Variants in ZC3HC1 observed in about 807,000 individuals in gnomAD.
The protein encoded by ZC3HC1 is zinc finger C3HC-type protein 1.
Under a neutral mutation model 61.9 loss-of-function variants are expected in ZC3HC1, and 38 were observed. That is an observed-to-expected ratio of 0.61 (90% CI 0.47 to 0.81). The LOEUF is 0.81. Ranked by LOEUF, ZC3HC1 falls within the 30% of genes least tolerant of loss-of-function variation. ZC3HC1 has a pLI of 0.00. For synonymous variants in ZC3HC1, 213 were observed against 229.9 expected, an observed-to-expected ratio of 0.93 and a Z score of 0.67; for missense variants, 554 against 622.7, an observed-to-expected ratio of 0.89 and a Z score of 1.17.
intron 4 of ZC3HC1, among the ~76,000 whole-genome samples, chr7:130,030,262 C>T (rs1347149380): frequency 1.1e-4 from 17 of 147,838 alleles, no homozygotes; most frequent in Non-Finnish European, 2.5e-4. Context: ...TGCAATGGTG[C>T]GATCACGGCT....
intron 8 of ZC3HC1, 67 bp from the exon 9 acceptor site, chr7:130,022,592 G>C (rs1293518653): frequency 4.6e-6 from 7 of 1,538,330 alleles, no homozygotes; most frequent in Non-Finnish European, 6.2e-6. Context: ...AGGCACTGCT[G>C]TTAGTTATCA....
intron 2 of ZC3HC1, chr7:130,043,735 A>G (rs1794765630): frequency 5.0e-6 from 2 of 396,048 alleles, no homozygotes; most frequent in Admixed American, 3.3e-5. Context: ...TGTCAGAACC[A>G]AAGTGGTATG....
Position 130,023,255 on chromosome 7 carries a change from T to C in ZC3HC1, c.1233+256A>G, listed in dbSNP as rs555445547. ...GTTGGGGACCGCTGCCAGATCAGGT[T>C]TGTCCCTGTATCACACCGTTGTTCC... On this transcript the variant is annotated intron_variant, in intron 8 of 9. Coordinates refer to ENST00000358303, the MANE Select transcript of ZC3HC1 (RefSeq NM_016478.5). The surrounding 1 kb of genome is among the most constrained non-coding windows in gnomAD (Gnocchi z 4.2). Among the ~76,000 whole-genome samples, 1 of 152,258 alleles carries C rather than the reference T, an allele frequency of 6.6e-6. No individual in the cohort carries two copies. Among genetic ancestry groups the C allele is most frequent in the Non-Finnish European group, 1.5e-5 (1 of 68,010 alleles).
At chr7:130,038,019 C>G (rs1332541512) in intron 4 of ZC3HC1, among the ~76,000 whole-genome samples, 1 of 152,184 alleles carries the variant, frequency 6.6e-6, no homozygotes, top group Non-Finnish European at 1.5e-5. Context: ...TGGTCTCAAA[C>G]TCCTAAACTC....
In ZC3HC1 at chr7:130,026,210, T is replaced by C. The variant is rs1793900531; in HGVS notation, c.724A>G (p.Ile242Val). ...RKTTIKLGSDIQVHVTACILS... is the reference protein window; with the variant it reads ...RKTTIKLGSDVQVHVTACILS... Reference sequence around the variant, plus strand: ...ATACAGGCAGTGACGTGGACTTGGATGTCTGAGCCTAATTTGATTGTAGTT... The same window carrying C: ...ATACAGGCAGTGACGTGGACTTGGACGTCTGAGCCTAATTTGATTGTAGTT... Residue 242 changes from isoleucine to valine, a missense_variant, in exon 6 of 10, where the codon ATC (isoleucine) becomes GTC (valine). Ile to Val is a conservative substitution (Grantham distance 29, BLOSUM62 3). Coordinates refer to ENST00000358303, the MANE Select transcript of ZC3HC1 (RefSeq NM_016478.5). 2 of 1,614,060 alleles carry C rather than the reference T, an allele frequency of 1.2e-6. No individual in the cohort carries two copies. Among genetic ancestry groups the C allele is most frequent in the Non-Finnish European group, 1.7e-6 (2 of 1,180,020 alleles).
intron 6 of ZC3HC1, among the ~76,000 whole-genome samples, chr7:130,024,817 G>A (rs1469878751): frequency 2.0e-5 from 3 of 151,062 alleles, no homozygotes; most frequent in Non-Finnish European, 4.4e-5. Context: ...GCCAAGGTGG[G>A]TGGATCACCT....
At chr7:130,042,996 T>C (rs1794737629) in intron 2 of ZC3HC1, among the ~76,000 whole-genome samples, 2 of 152,130 alleles carry the variant, frequency 1.3e-5, no homozygotes, top group Non-Finnish European at 2.9e-5. Context: ...CAGTTTTTAA[T>C]AATCTATGTG....
At chr7:130,024,580 T>C in intron 6 of ZC3HC1, 74 bp from the exon 7 acceptor site, 3 of 1,504,566 alleles carry the variant, frequency 2.0e-6, no homozygotes, top group Non-Finnish European at 1.8e-6. Context: ...GTCTTGTGAG[T>C]ATGCCTTATC....
rs556026409 is a variant in ZC3HC1 at position 130,023,072 on chromosome 7, T to G, written c.1233+439A>C. 7.8e-4 allele frequency: 131 copies of G among 168,272 alleles called. No homozygotes were observed. The highest frequency in any genetic ancestry group is 2.9e-3 in the African/African-American group (122 of 41,584). 10.4% of individuals were successfully genotyped at this position (168,272 alleles called of 1,614,324 possible). A position where few individuals can be genotyped will look rare whatever the true frequency, so the allele number is the denominator to read the frequency against. Reference sequence around the variant, plus strand: ...GGTTCCCACTGACTCTATATTATGGTGAGTTGTACAATTATTTCATTATAT... The same window carrying G: ...GGTTCCCACTGACTCTATATTATGGGGAGTTGTACAATTATTTCATTATAT... On this transcript the variant is annotated intron_variant, in intron 8 of 9. Coordinates refer to ENST00000358303, the MANE Select transcript of ZC3HC1 (RefSeq NM_016478.5). This position sits in a 1 kb window ranked among gnomAD's most constrained non-coding sequence, Gnocchi z 4.2.
In ZC3HC1 at chr7:130,026,157, C is replaced by G. The variant is rs865852605; in HGVS notation, c.776+1G>C. The G allele has an allele frequency of 1.2e-6, 2 of 1,612,376 alleles. No individual in the cohort carries two copies. Among genetic ancestry groups the G allele is most frequent in the Non-Finnish European group, 1.7e-6 (2 of 1,178,732 alleles). On this transcript the variant is annotated splice_donor_variant, in intron 6 of 9. Coordinates refer to ENST00000358303, the MANE Select transcript of ZC3HC1 (RefSeq NM_016478.5). LOFTEE classifies it high-confidence loss of function. ...TCTCCAGGCAAAATCTGCTGACTCA[C>G]CTACACGCCCAGCCACACACAGAGA...
intron 1 of ZC3HC1, 92 bp downstream of exon 1, chr7:130,051,129 C>G: frequency 2.7e-6 from 4 of 1,485,026 alleles, no homozygotes; most frequent in Non-Finnish European, 3.6e-6. Context: ...CCCGAGTCGC[C>G]GACCGAGGGG....
intron 1 of ZC3HC1, among the ~76,000 whole-genome samples, chr7:130,049,453 T>C (rs1185145558): frequency 6.6e-6 from 1 of 152,196 alleles, no homozygotes; most frequent in Non-Finnish European, 1.5e-5. Context: ...TCACTCACTG[T>C]TCTCCACAAG....
At chr7:130,050,299 G>C (rs970762866) in intron 1 of ZC3HC1, 1 of 835,196 alleles carries the variant, frequency 1.2e-6, no homozygotes, top group Non-Finnish European at 1.8e-6. Flanking sequence ...GGATGGTCTT[G>C]ATCTCCTGAC....
chr7:130,031,281 C>T (rs1170583753), intron 4 of ZC3HC1, among the ~76,000 whole-genome samples: 1 of 147,408 alleles, frequency 6.8e-6, no homozygotes, highest in Non-Finnish European at 1.5e-5. Flanking sequence ...GCTGAGATTG[C>T]GCCATTGCAC....
At position 130,045,383 on chromosome 7, in the gene ZC3HC1, C is replaced by A. The variant is rs952421340; in HGVS notation, c.258+3650G>T. 9 of 430,874 alleles carry A rather than the reference C, an allele frequency of 2.1e-5. 1 individual carries two copies. The highest frequency in any genetic ancestry group is 6.7e-4 in the Middle Eastern group (2 of 2,990). The allele number at this position is 430,874 out of a possible 1,614,324, so 26.7% of individuals were successfully genotyped here. ...GAAAAGCAGAAGACGTGGTGTGGTA[C>A]CACATTTCTTCCGCCTTCAGTCTCT... is the stretch of plus-strand genomic sequence containing the variant. On this transcript the variant is annotated intron_variant, in intron 2 of 9. Transcript: ENST00000358303.
In ZC3HC1 at chr7:130,044,428, A is replaced by G. The variant is rs532762647; in HGVS notation, c.259-3327T>C. On this transcript the variant is annotated intron_variant, in intron 2 of 9. Transcript: ENST00000358303. ...AAAAATACAAGATAAGCCGAGAACAACTTGTTCCTGAAAGCAATAAAGAGG... is the reference window on the plus strand; with the variant it reads ...AAAAATACAAGATAAGCCGAGAACAGCTTGTTCCTGAAAGCAATAAAGAGG... Among the ~76,000 whole-genome samples the G allele has an allele frequency of 2.0e-5, 3 of 152,340 alleles. No homozygotes were observed. The East Asian group carries it at 5.8e-4, about 29-fold the overall frequency.
intron 2 of ZC3HC1, among the ~76,000 whole-genome samples, chr7:130,046,252 G>A (rs908998142): frequency 1.3e-5 from 2 of 152,088 alleles, no homozygotes; most frequent in Non-Finnish European, 2.9e-5. Context: ...CATGGCACAC[G>A]TTTACCTATG....
chr7:130,037,372 A>C (rs1794470450), intron 4 of ZC3HC1, among the ~76,000 whole-genome samples: 1 of 152,164 alleles, frequency 6.6e-6, no homozygotes, highest in Non-Finnish European at 1.5e-5. Flanking sequence ...TGAACCCAGG[A>C]AGCAGAGGTT....
In ZC3HC1 at chr7:130,026,221, A is replaced by G; in HGVS notation, c.713T>C (p.Leu238Ser). The G allele has an allele frequency of 6.2e-7, 1 of 1,614,106 alleles. No individual in the cohort carries two copies. Among genetic ancestry groups the G allele is most frequent in the Non-Finnish European group, 8.5e-7 (1 of 1,180,012 alleles). The change falls in exon 6 of 10, where the codon TTA becomes TCA. Residue 238 changes from leucine (L) to serine (S), a missense_variant. By Grantham distance (145) the Leu-to-Ser change is moderately radical. Transcript: ENST00000358303. The part of the protein sequence containing the change: ...RTDERKTTIK[L>S]GSDIQVHVTA... ...GACGTGGACTTGGATGTCTGAGCCT[A>G]ATTTGATTGTAGTTTTTCTCTCATC...
Sources: gnomAD v4.1 joint callset for allele counts (sites outside exome capture counted in the v4.1 genomes callset) on GRCh38, gnomAD v4.1.1 for gene constraint, Gnocchi (gnomAD v3.1) non-coding constraint, MANE v1.5 for transcripts, NCBI Gene and HGNC (gene_info 2026-07-23, HGNC 2026-07-21) for gene names.